Variants in TMPRSS11F observed in about 807,000 individuals in gnomAD.
TMPRSS11F encodes transmembrane protease serine 11F.
Under a neutral mutation model 60.2 loss-of-function variants are expected in TMPRSS11F, and 47 were observed. The observed-to-expected ratio is 0.78, with a 90% CI of 0.62 to 1.00. The LOEUF (loss-of-function observed/expected upper bound fraction) is 1.00, where lower values mean the gene tolerates loss of function less well. Ranked by LOEUF, TMPRSS11F falls within the 50% of genes least tolerant of loss-of-function variation. The pLI is 0.00. For synonymous variants in TMPRSS11F, 166 were observed against 167.3 expected, an observed-to-expected ratio of 0.99 and a Z score of 0.06; for missense variants, 519 against 522.9, an observed-to-expected ratio of 0.99 and a Z score of 0.07.
chr4:68,068,459 G>C (rs1168024944), intron 7 of TMPRSS11F, among the ~76,000 whole-genome samples, 159 bp downstream of exon 7: 2 of 152,162 alleles, frequency 1.3e-5, no homozygotes, highest in African/African-American at 4.8e-5. Context: ...AACCATCATA[G>C]ATAGGGCATA....
At chr4:68,096,811 A>G (rs1724084998) in intron 2 of TMPRSS11F, among the ~76,000 whole-genome samples, 1 of 152,094 alleles carries the variant, frequency 6.6e-6, no homozygotes. Flanking sequence ...CCTTATTTCT[A>G]TTGTGATTAT....
intron 5 of TMPRSS11F, among the ~76,000 whole-genome samples, chr4:68,070,285 TAATA>T (rs1199207616): frequency 1.3e-5 from 2 of 151,750 alleles, no homozygotes; most frequent in African/African-American, 2.4e-5. Context: ...AATTAGGAAA[TAATA>T]AATAAAGATA....
chr4:68,119,953 G>A (rs929250375), intron 1 of TMPRSS11F, among the ~76,000 whole-genome samples: 3 of 152,166 alleles, frequency 2.0e-5, no homozygotes, highest in African/African-American at 7.2e-5. Flanking sequence ...TGGAGGGAAG[G>A]TCAAAATATC....
chr4:68,075,223 A>T (rs572823564), intron 3 of TMPRSS11F, among the ~76,000 whole-genome samples: 20 of 152,142 alleles, frequency 1.3e-4, no homozygotes, highest in African/African-American at 4.3e-4. Context: ...ACTTTCCTTG[A>T]TTCAATCTCA....
chr4:68,126,205 T>A (rs1183137963), intron 1 of TMPRSS11F, among the ~76,000 whole-genome samples: 1 of 152,170 alleles, frequency 6.6e-6, no homozygotes, highest in Non-Finnish European at 1.5e-5. Context: ...GCATCTGATA[T>A]GTGTATATAC....
intron 2 of TMPRSS11F, among the ~76,000 whole-genome samples, chr4:68,093,062 C>T (rs1056754962): frequency 2.2e-4 from 34 of 152,054 alleles, no homozygotes; most frequent in African/African-American, 8.2e-4. Context: ...ATTATATGCT[C>T]AGCTCATTTC....
At position 68,060,442 on chromosome 4, in the gene TMPRSS11F, G is replaced by C. The variant is rs573161893; in HGVS notation, c.1016-974C>G. On this transcript the variant is annotated intron_variant, in intron 8 of 9. Transcript: ENST00000356291. Reference sequence around the variant, plus strand: ...GAGGCAGGAGAACGGCGTGAACCTGGGAGGCAGAGCTTGCAGTGAGCCAAG... The same window carrying C: ...GAGGCAGGAGAACGGCGTGAACCTGCGAGGCAGAGCTTGCAGTGAGCCAAG... Among the ~76,000 whole-genome samples the C allele has an allele frequency of 5.7e-5, 8 of 139,596 alleles. No homozygotes were observed. The East Asian group carries it at 1.9e-3, about 32-fold the overall frequency. 91.6% of individuals were successfully genotyped at this position (139,596 alleles called of 152,430 possible). A position where few individuals can be genotyped will look rare whatever the true frequency, so the allele number is the denominator to read the frequency against.
At chr4:68,104,164 C>T (rs1160052043) in intron 1 of TMPRSS11F, among the ~76,000 whole-genome samples, 1 of 152,114 alleles carries the variant, frequency 6.6e-6, no homozygotes, top group Non-Finnish European at 1.5e-5. Flanking sequence ...CCAGTAGTTC[C>T]AGTACTATGT....
At chr4:68,065,766 A>G (rs1177434144) in intron 7 of TMPRSS11F, among the ~76,000 whole-genome samples, 1 of 73,358 alleles carries the variant, frequency 1.4e-5, no homozygotes, top group Non-Finnish European at 4.0e-5. Context: ...TTTAAATGTA[A>G]TAAAAAAAAA....
chr4:68,091,759 C>CTA (rs1434705144), intron 2 of TMPRSS11F, among the ~76,000 whole-genome samples: 1,310 of 33,806 alleles, frequency 0.039, 20 homozygotes, highest in African/African-American at 0.059. Flanking sequence ...CTCTCTCTCT[C>CTA]TCTCTCTCTC....
chr4:68,094,503 A>T (rs563611209), intron 2 of TMPRSS11F, among the ~76,000 whole-genome samples: 219 of 149,842 alleles, frequency 1.5e-3, no homozygotes, highest in African/African-American at 5.0e-3. Flanking sequence ...TACATATGTA[A>T]CTAACCTGCA....
intron 1 of TMPRSS11F, among the ~76,000 whole-genome samples, chr4:68,100,887 C>T (rs1259516651): frequency 6.6e-6 from 1 of 152,032 alleles, no homozygotes; most frequent in Admixed American, 6.6e-5. Context: ...TTCCTCTCAC[C>T]CATAATCGAA....
chr4:68,092,723 A>ATTT (rs200058717), intron 2 of TMPRSS11F, among the ~76,000 whole-genome samples: 57,780 of 142,046 alleles, frequency 0.41, 12,787 homozygotes, highest in Non-Finnish European at 0.52. Flanking sequence ...TTTTATTACA[A>ATTT]AAAAAAGATT....
chr4:68,069,245 G>A (rs903903913), intron 6 of TMPRSS11F, among the ~76,000 whole-genome samples: 2 of 152,152 alleles, frequency 1.3e-5, no homozygotes, highest in African/African-American at 4.8e-5. Flanking sequence ...AAAACTAGTA[G>A]CAGTATCCTT....
intron 1 of TMPRSS11F, among the ~76,000 whole-genome samples, chr4:68,109,630 T>C (rs546755018): frequency 6.6e-6 from 1 of 152,280 alleles, no homozygotes; most frequent in Non-Finnish European, 1.5e-5. Flanking sequence ...TTAGTTCAAC[T>C]TAGTAACACA....
At chr4:68,105,523 C>T (rs1170196574) in intron 1 of TMPRSS11F, among the ~76,000 whole-genome samples, 1 of 152,110 alleles carries the variant, frequency 6.6e-6, no homozygotes, top group African/African-American at 2.4e-5. Flanking sequence ...GAATAAAAGT[C>T]TTTCATGGCT....
rs549480420 is a variant in TMPRSS11F at position 68,072,305 on chromosome 4, T to TA, written c.514+17dup. The TA allele has an allele frequency of 2.8e-6, 4 of 1,447,058 alleles. No individual in the cohort carries two copies. Among genetic ancestry groups the TA allele is most frequent in the Non-Finnish European group, 3.7e-6 (4 of 1,091,834 alleles). The allele number at this position is 1,447,058 out of a possible 1,614,324, so 89.6% of individuals were successfully genotyped here. ...AGGAGGGAATGACAAAAGTGGCAAA[T>TA]AAAAATAAAAGACTTACGTGTGAGT... On this transcript the variant is annotated intron_variant, in intron 5 of 9. Coordinates refer to ENST00000356291, the MANE Select transcript of TMPRSS11F (RefSeq NM_207407.2).
intron 9 of TMPRSS11F, among the ~76,000 whole-genome samples, chr4:68,058,492 A>G (rs1723090470): frequency 1.3e-5 from 2 of 152,258 alleles, no homozygotes; most frequent in African/African-American, 4.8e-5. Flanking sequence ...AGACTTTTTC[A>G]TTCAATCAGT....
chr4:68,129,579 T>G (rs1724779251), intron 1 of TMPRSS11F, among the ~76,000 whole-genome samples: 1 of 152,176 alleles, frequency 6.6e-6, no homozygotes, highest in Admixed American at 6.5e-5. Flanking sequence ...TCACATCATT[T>G]CTATTTCTTT....
Sources: gnomAD v4.1 joint callset for allele counts (sites outside exome capture counted in the v4.1 genomes callset) on GRCh38, gnomAD v4.1.1 for gene constraint, MANE v1.5 for transcripts, NCBI Gene and HGNC (gene_info 2026-07-23, HGNC 2026-07-21) for gene names.